Variants in PCNX3 observed in about 807,000 individuals in gnomAD.
PCNX3 encodes the protein pecanex-like protein 3.
PCNX3 carries 58 observed loss-of-function variants against 207.2 expected under a neutral mutation model. That is an observed-to-expected ratio of 0.28 (90% CI 0.23 to 0.35). The LOEUF (loss-of-function observed/expected upper bound fraction) is 0.35, where lower values mean the gene tolerates loss of function less well. Ranked by LOEUF, PCNX3 falls within the 10% of genes least tolerant of loss-of-function variation. PCNX3 has a pLI of 1.00. For missense variants in PCNX3, 2,410 were observed against 2,774.4 expected, an observed-to-expected ratio of 0.87 and a Z score of 2.95; for synonymous variants, 1,337 against 1,183.5, an observed-to-expected ratio of 1.13 and a Z score of -2.66.
Position 65,619,859 on chromosome 11 carries a change from T to C in PCNX3, c.1935T>C (p.Gly645=), listed in dbSNP as rs1172206548. 7 of 1,610,508 alleles carry C rather than the reference T, an allele frequency of 4.3e-6. No individual in the cohort carries two copies. The highest frequency in any genetic ancestry group is 5.9e-6 in the Non-Finnish European group (7 of 1,179,552). ...CTTCACTGTTGCTCACCCGGGCCGG[T>C]GCCAATGTGCATGAGGCCTGCACCT... is the stretch of plus-strand genomic sequence containing the variant. ...FASSLLLTRA[G]ANVHEACTFD... is the part of the protein sequence containing the mutation. The change falls in exon 8 of 35, where the codon GGT becomes GGC. Residue 645 remains glycine, a synonymous_variant. Transcript: ENST00000355703.
At chr11:65,628,737 G>C in intron 23 of PCNX3, 34 bp downstream of exon 23, 2 of 1,606,658 alleles carry the variant, frequency 1.2e-6, no homozygotes, top group Non-Finnish European at 1.7e-6. Flanking sequence ...GGGTGTGCAG[G>C]GAGGGCTGTG....
chr11:65,619,282 T>C (rs1854939291), intron 6 of PCNX3: 5 of 381,804 alleles, frequency 1.3e-5, no homozygotes, highest in Non-Finnish European at 1.8e-5. Context: ...AGCACCTGAG[T>C]CTCTGTCCCC....
rs548320356 is a variant in PCNX3, at chr11:65,624,545, C to A, written c.2791C>A (p.Leu931Met). 8 of 1,608,806 alleles carry A rather than the reference C, an allele frequency of 5.0e-6. No individual in the cohort carries two copies. The South Asian group carries it at 7.8e-5, about 16-fold the overall frequency. Reference sequence around the variant, plus strand: ...GGTCAACACCTGCCTCATGTACCTGCTGGAGCAAATAGATATGCACGGCTT... The same window carrying A: ...GGTCAACACCTGCCTCATGTACCTGATGGAGCAAATAGATATGCACGGCTT... Reference protein sequence around the residue: ...PQVNTCLMYLLEQIDMHGFGG... With the variant: ...PQVNTCLMYLMEQIDMHGFGG... The change falls in exon 15 of 35, where the codon CTG (leucine) becomes ATG (methionine). Residue 931 changes from leucine to methionine, a missense_variant. Leu to Met is a conservative substitution (Grantham distance 15, BLOSUM62 2). Transcript: ENST00000355703.
chr11:65,633,509 G>A (rs916916152), intron 27 of PCNX3, among the ~76,000 whole-genome samples: 4 of 152,112 alleles, frequency 2.6e-5, no homozygotes, highest in African/African-American at 9.7e-5. Context: ...GGGTTCAGGC[G>A]GCAGTTCAGT....
Position 65,616,441 on chromosome 11 carries a change from A to C in PCNX3, c.130A>C (p.Ile44Leu). 1 of 1,608,962 alleles carries C rather than the reference A, an allele frequency of 6.2e-7. No homozygotes were observed. The highest frequency in any genetic ancestry group is 8.5e-7 in the Non-Finnish European group (1 of 1,179,348). Reference protein sequence around the residue: ...FHLYVWIFLLIFPFLLYMVLP... With the variant: ...FHLYVWIFLLLFPFLLYMVLP... ...CCTCTATGTCTGGATCTTCCTGCTC[A>C]TCTTTCCCTTCTTACTGTACATGGT... The change falls in exon 1 of 35, where the codon ATC (isoleucine) becomes CTC (leucine). Residue 44 changes from isoleucine (I) to leucine (L), a missense_variant. Physicochemically the swap from Ile to Leu is conservative, Grantham distance 5 (BLOSUM62 2). Around this residue, in one of 8 missense-constraint regions of PCNX3, gnomAD observed 1,104 missense variants for 970.3 expected, o/e 1.14. Transcript: ENST00000355703.
chr11:65,620,783 C>G, intron 9 of PCNX3, 48 bp from the exon 10 acceptor site: 1 of 1,574,528 alleles, frequency 6.4e-7, no homozygotes. Context: ...CCCCACCCAG[C>G]CCCAGGGCTC....
In PCNX3 at chr11:65,616,119, C is replaced by A. The variant is rs972490849; in HGVS notation, c.-193C>A. ...CCACCCCCGCGTCCGGGCCTTGCAC[C>A]ACTGACTGTCCCGGCCGGCCCCGCC... On this transcript the variant is annotated 5_prime_UTR_variant, in exon 1 of 35. Coordinates refer to ENST00000355703, the MANE Select transcript of PCNX3 (RefSeq NM_032223.4). 37 of 379,930 alleles carry A rather than the reference C, an allele frequency of 9.7e-5. No homozygotes were observed. Among genetic ancestry groups the A allele is most frequent in the Non-Finnish European group, 1.6e-4 (34 of 217,594 alleles). 23.5% of individuals were successfully genotyped at this position (379,930 alleles called of 1,614,324 possible).
chr11:65,624,788 T>A (rs577169630), intron 15 of PCNX3, 137 bp from the exon 16 acceptor site: 1 of 989,116 alleles, frequency 1.0e-6, no homozygotes, highest in South Asian at 1.6e-5. Flanking sequence ...CGCTTGGGGC[T>A]TGGGGCAGCA....
rs139652943 is a variant in PCNX3, at chr11:65,620,963, G to T, written c.2232G>T (p.Pro744=). The change falls in exon 10 of 35, where the codon CCG becomes CCT. Residue 744 remains proline (P), a synonymous_variant. Transcript: ENST00000355703. ...TGCGCCGGGTGCCCCTGGAGATCCC[G>T]GAGGTGAGGAGCAGCCGGGGAAGGG... ...MQVRRVPLEI[P]EEQTLMEEAP... 1.2e-4 allele frequency: 191 copies of T among 1,538,754 alleles called. No individual in the cohort carries two copies. The African/African-American group carries it at 2.4e-3, about 19-fold the overall frequency.
intron 11 of PCNX3, among the ~76,000 whole-genome samples, chr11:65,623,206 C>T (rs1353156077): frequency 2.6e-5 from 4 of 152,260 alleles, no homozygotes; most frequent in African/African-American, 9.6e-5. Context: ...AACTCAGTCT[C>T]AGCTGGGGAT....
rs189210574 is a variant in PCNX3, at chr11:65,625,873, C to T, written c.3229-31C>T. On this transcript the variant is annotated intron_variant, in intron 19 of 34. Coordinates refer to ENST00000355703, the MANE Select transcript of PCNX3 (RefSeq NM_032223.4). This position sits in a 1 kb window ranked among gnomAD's most constrained non-coding sequence, Gnocchi z 5.6. The stretch of plus-strand genomic sequence containing the variant: ...CTGTGGTCCCTTGGCCTGCTCCCAT[C>T]AGCTGAGTCTCTGGCCTCTCCCTCC... The T allele has an allele frequency of 3.1e-6, 5 of 1,606,302 alleles. No homozygotes were observed. The highest frequency in any genetic ancestry group is 4.3e-6 in the Non-Finnish European group (5 of 1,175,544).
At chr11:65,630,285 C>G (rs1855566625) in intron 26 of PCNX3, 66 bp from the exon 27 acceptor site, 1 of 1,547,316 alleles carries the variant, frequency 6.5e-7, no homozygotes, top group African/African-American at 1.4e-5. Context: ...ATGTTGGTCA[C>G]TCTCCCAGGA....
chr11:65,626,875 A>G lies in PCNX3; in HGVS notation c.3380-29A>G, dbSNP rs982526424. ...CAGGGAAGGCAGGCATGTGGAAGCCAGGTGCAGAGTCCTGGCCTCTCCACA... is the reference window on the plus strand; with the variant it reads ...CAGGGAAGGCAGGCATGTGGAAGCCGGGTGCAGAGTCCTGGCCTCTCCACA... On this transcript the variant is annotated intron_variant, in intron 20 of 34. Transcript: ENST00000355703. 4 of 1,570,692 alleles carry G rather than the reference A, an allele frequency of 2.5e-6. No homozygotes were observed. In the Admixed American group the frequency reaches 7.4e-5, roughly 29 times the overall value.
Position 65,625,358 on chromosome 11 carries a change from C to T in PCNX3, c.3030-47C>T, listed in dbSNP as rs369575207. 76 of 1,593,486 alleles carry T rather than the reference C, an allele frequency of 4.8e-5. 1 individual carries two copies. The Admixed American group carries it at 7.5e-4, about 16-fold the overall frequency. ...CTGTGCATGTGCCCGTGACTGGGGC[C>T]GGGGGGAAGGAGGGGCGGCCTCCTC... On this transcript the variant is annotated intron_variant, in intron 17 of 34. Coordinates refer to ENST00000355703, the MANE Select transcript of PCNX3 (RefSeq NM_032223.4). The surrounding 1 kb of genome is among the most constrained non-coding windows in gnomAD (Gnocchi z 5.6).
At chr11:65,632,649 G>T (rs1855663256) in intron 27 of PCNX3, among the ~76,000 whole-genome samples, 1 of 144,050 alleles carries the variant, frequency 6.9e-6, no homozygotes, top group African/African-American at 2.6e-5. Flanking sequence ...AGATGACCGT[G>T]AGTGTTGTGT....
In PCNX3 at chr11:65,617,595, G is replaced by T; in HGVS notation, c.482-16G>T. On this transcript the variant is annotated splice_polypyrimidine_tract_variant and intron_variant, in intron 4 of 34. Coordinates refer to ENST00000355703, the MANE Select transcript of PCNX3 (RefSeq NM_032223.4). ...GCCAGGGGGTCCTGCTGACACCTCTGGGGCCATGGTTGCAGACATCAAGGA... is the reference window on the plus strand; with the variant it reads ...GCCAGGGGGTCCTGCTGACACCTCTTGGGCCATGGTTGCAGACATCAAGGA... 2 of 1,613,266 alleles carry T rather than the reference G, an allele frequency of 1.2e-6. No individual in the cohort carries two copies. The highest frequency in any genetic ancestry group is 1.1e-5 in the South Asian group (1 of 91,046).
At chr11:65,630,233 C>T (rs1855564757) in intron 26 of PCNX3, 118 bp from the exon 27 acceptor site, 7 of 1,410,874 alleles carry the variant, frequency 5.0e-6, no homozygotes, top group Non-Finnish European at 6.6e-6. Context: ...GGTTGACTCC[C>T]CTGGCGTCCA....
chr11:65,636,497 T>C lies in PCNX3; in HGVS notation c.5700T>C (p.Pro1900=). The C allele has an allele frequency of 6.3e-7, 1 of 1,577,898 alleles. No homozygotes were observed. The highest frequency in any genetic ancestry group is 8.6e-7 in the Non-Finnish European group (1 of 1,163,684). Residue 1900 remains proline (P), a synonymous_variant, in exon 34 of 35, where the codon CCT becomes CCC. Transcript: ENST00000355703. ...CACCTCTGCTGCAGTGGCCTCCCCC[T>C]CGGCTCCCTGGACCACCCCCTGCAT... ...RPPPLLQWPP[P]RLPGPPPASP...
chr11:65,623,738 GTAGA>G (rs1855232382), intron 12 of PCNX3, 94 bp downstream of exon 12: 1 of 1,548,054 alleles, frequency 6.5e-7, no homozygotes, highest in African/African-American at 1.4e-5. Flanking sequence ...AAGCTGAAAG[GTAGA>G]TAATTTGTCT....
Sources: allele counts gnomAD v4.1 joint callset (sites outside exome capture counted in the v4.1 genomes callset), GRCh38; gene constraint gnomAD v4.1.1; regional missense constraint gnomAD v4.1.1; non-coding constraint Gnocchi (gnomAD v3.1); transcripts MANE v1.5; gene names NCBI Gene and HGNC (gene_info 2026-07-23, HGNC 2026-07-21).